NKAIN3: variants seen among roughly 807,000 people sequenced by gnomAD.
NKAIN3 encodes the protein sodium/potassium-transporting ATPase subunit beta-1-interacting protein 3.
A neutral mutation model predicts 30.2 loss-of-function variants in NKAIN3; 25 were observed. The ratio of observed to expected loss-of-function variants is 0.83; its 90% CI spans 0.60 to 1.16. NKAIN3 has a LOEUF of 1.16. Among genes scored for constraint, NKAIN3 ranks in the 50% most tolerant of loss-of-function variants. The pLI, the probability that NKAIN3 is intolerant of heterozygous loss-of-function variation, is 0.00. For missense variants in NKAIN3, 225 were observed against 254.1 expected (o/e 0.89, Z 0.78); for synonymous variants, 91 against 89.6 (o/e 1.02, Z -0.09).
rs1160873790 is a variant in NKAIN3 at position 62,535,029 on chromosome 8, G to A, written c.55-44510G>A. Among the ~76,000 whole-genome samples, 5 of 151,976 alleles carry A rather than the reference G, an allele frequency of 3.3e-5. 1 individual carries two copies. The highest frequency in any genetic ancestry group is 4.8e-5 in the African/African-American group (2 of 41,374). On this transcript the variant is annotated intron_variant, in intron 1 of 6. Coordinates refer to ENST00000623646, the MANE Select transcript of NKAIN3 (RefSeq NM_001304533.3). ...GATTTGTGTGCATGCTTTTTTATGAGCATTATTTATAAACTTGGAATTGGA... is the reference window on the plus strand; with the variant it reads ...GATTTGTGTGCATGCTTTTTTATGAACATTATTTATAAACTTGGAATTGGA...
intron 3 of NKAIN3, among the ~76,000 whole-genome samples, chr8:62,692,241 G>C (rs1813994522): frequency 6.6e-6 from 1 of 152,150 alleles, no homozygotes; most frequent in African/African-American, 2.4e-5. Flanking sequence ...TTGAAGGAAG[G>C]ATCTTCAAAG....
At position 62,620,263 on chromosome 8, in the gene NKAIN3, G is replaced by A. The variant is rs375973939; in HGVS notation, c.273+30469G>A. Among the ~76,000 whole-genome samples, 334 of 152,160 alleles carry A rather than the reference G, an allele frequency of 2.2e-3. 1 individual carries two copies. Among genetic ancestry groups the A allele is most frequent in the African/African-American group, 7.7e-3 (320 of 41,520 alleles). On this transcript the variant is annotated intron_variant, in intron 3 of 6. Coordinates refer to ENST00000623646, the MANE Select transcript of NKAIN3 (RefSeq NM_001304533.3). ...GGATGCTTCTTTCCTCCAGGTATAG[G>A]GTGGGCACCTCTCAAATGAGGGTCT... is the stretch of plus-strand genomic sequence containing the variant.
At chr8:62,466,260 A>G (rs547045788) in intron 1 of NKAIN3, among the ~76,000 whole-genome samples, 11 of 152,196 alleles carry the variant, frequency 7.2e-5, no homozygotes, top group Non-Finnish European at 1.3e-4. Flanking sequence ...AGTTTAATAT[A>G]GATATGAAAA....
At chr8:62,400,758 A>G (rs1803833301) in intron 1 of NKAIN3, among the ~76,000 whole-genome samples, 1 of 151,734 alleles carries the variant, frequency 6.6e-6, no homozygotes, top group African/African-American at 2.4e-5. Context: ...CTGTCCTGTA[A>G]GGGTTCCACT....
chr8:62,288,265 A>T (rs914583599), intron 1 of NKAIN3, among the ~76,000 whole-genome samples: 9 of 152,092 alleles, frequency 5.9e-5, no homozygotes, highest in Non-Finnish European at 1.3e-4. Context: ...ATTATACTTT[A>T]AGTTCTAGGG....
At chr8:62,314,104 T>G (rs957384898) in intron 1 of NKAIN3, among the ~76,000 whole-genome samples, 2 of 152,168 alleles carry the variant, frequency 1.3e-5, no homozygotes, top group African/African-American at 4.8e-5. Context: ...TCTCTCAAGT[T>G]TCTTCCCAGG....
At chr8:62,284,235 C>G (rs1468245578) in intron 1 of NKAIN3, among the ~76,000 whole-genome samples, 1 of 152,116 alleles carries the variant, frequency 6.6e-6, no homozygotes, top group Non-Finnish European at 1.5e-5. Flanking sequence ...TGTCAATTTT[C>G]TGGTTGTTGT....
chr8:62,604,016 CCAGTG>C (rs1437119195), intron 3 of NKAIN3, among the ~76,000 whole-genome samples: 4 of 152,198 alleles, frequency 2.6e-5, no homozygotes, highest in Admixed American at 1.3e-4. Context: ...TCCTAACAAG[CCAGTG>C]TCTGCCGCAC....
At chr8:62,279,647 T>C (rs1034417579) in intron 1 of NKAIN3, among the ~76,000 whole-genome samples, 1 of 152,230 alleles carries the variant, frequency 6.6e-6, no homozygotes, top group Non-Finnish European at 1.5e-5. Context: ...TCCCCATTTC[T>C]TGTTTTTCTC....
intron 1 of NKAIN3, among the ~76,000 whole-genome samples, chr8:62,353,124 G>A (rs1174556574): frequency 1.3e-5 from 2 of 152,172 alleles, no homozygotes; most frequent in African/African-American, 4.8e-5. Context: ...TGTGCCATCA[G>A]TGTAGAAGAC....
intron 4 of NKAIN3, among the ~76,000 whole-genome samples, chr8:62,765,246 C>CAAAAAAAA (rs34477671): frequency 1.2e-4 from 5 of 42,490 alleles, no homozygotes; most frequent in African/African-American, 4.0e-4. Flanking sequence ...GACTCCATCT[C>CAAAAAAAA]AAAAAAAAAA....
At chr8:62,290,537 T>A (rs879219421) in intron 1 of NKAIN3, among the ~76,000 whole-genome samples, 3 of 152,206 alleles carry the variant, frequency 2.0e-5, no homozygotes, top group Non-Finnish European at 4.4e-5. Context: ...TATGCTGGAT[T>A]ACGTTTATTG....
chr8:62,659,673 C>T (rs1021039836), intron 3 of NKAIN3, among the ~76,000 whole-genome samples: 7 of 152,084 alleles, frequency 4.6e-5, no homozygotes, highest in African/African-American at 1.7e-4. Context: ...CAGGTTTGAC[C>T]ATGCACTTGG....
Position 62,747,011 on chromosome 8 carries a change from T to C in NKAIN3, c.353T>C (p.Val118Ala). 6.2e-7 allele frequency: 1 copy of C among 1,613,684 alleles called. No homozygotes were observed. The highest frequency in any genetic ancestry group is 1.1e-5 in the South Asian group (1 of 91,072). ...CATGGGCCTGGTTGTGTCAGAAGAG[T>C]GCTGCCTCCCTCAGCCCATGGCATG... ...REHGPGCVRR[V>A]LPPSAHGMMD... is the part of the protein sequence containing the mutation. Residue 118 changes from valine to alanine, a missense_variant, in exon 4 of 7, where the codon GTG becomes GCG. Transcript: ENST00000623646.
intron 1 of NKAIN3, among the ~76,000 whole-genome samples, chr8:62,479,395 G>A (rs1465634969): frequency 6.6e-6 from 1 of 152,106 alleles, no homozygotes; most frequent in South Asian, 2.1e-4. Flanking sequence ...AGCAAATCAA[G>A]TTGCCCCAAA....
intron 4 of NKAIN3, among the ~76,000 whole-genome samples, chr8:62,756,398 G>C (rs1816453168): frequency 6.6e-6 from 1 of 152,086 alleles, no homozygotes; most frequent in Non-Finnish European, 1.5e-5. Context: ...GCATGTATCA[G>C]AACTTCCTTT....
intron 3 of NKAIN3, among the ~76,000 whole-genome samples, chr8:62,648,044 G>C (rs1406172837): frequency 6.6e-6 from 1 of 152,084 alleles, no homozygotes; most frequent in Non-Finnish European, 1.5e-5. Context: ...AGGGACCAAA[G>C]TGATTCTCGG....
intron 1 of NKAIN3, among the ~76,000 whole-genome samples, chr8:62,505,231 A>G (rs1807593391): frequency 6.6e-6 from 1 of 152,226 alleles, no homozygotes; most frequent in South Asian, 2.1e-4. Flanking sequence ...TTATTAATTC[A>G]TTCACTTCAC....
intron 1 of NKAIN3, among the ~76,000 whole-genome samples, chr8:62,489,114 T>TCAGC (rs1454002520): frequency 1.3e-4 from 20 of 152,086 alleles, no homozygotes; most frequent in Non-Finnish European, 2.6e-4. Context: ...CCTCCTGGGT[T>TCAGC]CATGCCATTC....
Sources: allele counts gnomAD v4.1 joint callset (sites outside exome capture counted in the v4.1 genomes callset), GRCh38; gene constraint gnomAD v4.1.1; transcripts MANE v1.5; gene names NCBI Gene and HGNC (gene_info 2026-07-23, HGNC 2026-07-21).